Variants in CFAP54 observed in about 807,000 individuals in gnomAD.
CFAP54 encodes cilia- and flagella-associated protein 54.
A neutral mutation model predicts 370.4 loss-of-function variants in CFAP54; 290 were observed. That is an observed-to-expected ratio of 0.78 (90% CI 0.71 to 0.86). CFAP54 has a LOEUF of 0.86. Among genes scored for constraint, CFAP54 ranks in the 40% least tolerant of loss-of-function variants. CFAP54 has a pLI of 0.00. For missense variants in CFAP54, 3,399 were observed against 3,528.7 expected (o/e 0.96, Z 0.93); for synonymous variants, 1,206 against 1,236.5 (o/e 0.98, Z 0.52).
intron 6 of CFAP54, among the ~76,000 whole-genome samples, chr12:96,519,954 A>G (rs1273860391): frequency 6.6e-6 from 1 of 152,164 alleles, no homozygotes; most frequent in African/African-American, 2.4e-5. Context: ...TGTGTTCCTT[A>G]TCACTTAGTA....
intron 9 of CFAP54, among the ~76,000 whole-genome samples, chr12:96,530,106 C>G (rs1376374290): frequency 6.6e-6 from 1 of 152,150 alleles, no homozygotes; most frequent in Non-Finnish European, 1.5e-5. Flanking sequence ...GCTGCAGTAT[C>G]CCTTAGTCAT....
At chr12:96,596,640 G>A (rs1361094669) in intron 25 of CFAP54, among the ~76,000 whole-genome samples, 1 of 152,014 alleles carries the variant, frequency 6.6e-6, no homozygotes, top group Non-Finnish European at 1.5e-5. Context: ...GAGATGACGT[G>A]TGCAGTCCGG....
chr12:96,837,078 C>T (rs1959188479), intron 66 of CFAP54, among the ~76,000 whole-genome samples: 1 of 152,094 alleles, frequency 6.6e-6, no homozygotes, highest in South Asian at 2.1e-4. Context: ...CATCTTGTTC[C>T]CCCAAAGCAC....
intron 32 of CFAP54, among the ~76,000 whole-genome samples, chr12:96,631,750 A>T (rs1051110273): frequency 6.7e-6 from 1 of 149,826 alleles, no homozygotes; most frequent in African/African-American, 2.4e-5. Flanking sequence ...TGTATAATAA[A>T]TTTTTTAAAT....
chr12:96,863,653 G>A (rs949244383), intron 67 of CFAP54, among the ~76,000 whole-genome samples: 1 of 152,220 alleles, frequency 6.6e-6, no homozygotes, highest in Non-Finnish European at 1.5e-5. Flanking sequence ...CCTGGGGGCC[G>A]ATTTTAAAAA....
chr12:96,756,163 G>A (rs924294459), intron 56 of CFAP54, among the ~76,000 whole-genome samples: 1 of 152,174 alleles, frequency 6.6e-6, no homozygotes, highest in Non-Finnish European at 1.5e-5. Context: ...GGAGGGAGAA[G>A]CACAAAGTAA....
At chr12:96,759,157 A>G (rs1290148077) in intron 58 of CFAP54, among the ~76,000 whole-genome samples, 1 of 151,896 alleles carries the variant, frequency 6.6e-6, no homozygotes, top group Non-Finnish European at 1.5e-5. Context: ...ATTCTTACCA[A>G]TTATTCATAT....
At chr12:96,508,834 G>A (rs1474994855) in intron 4 of CFAP54, among the ~76,000 whole-genome samples, 1 of 151,854 alleles carries the variant, frequency 6.6e-6, no homozygotes, top group Non-Finnish European at 1.5e-5. Context: ...CAGGCCTGGC[G>A]ATGAGCACCT....
In CFAP54 at chr12:96,684,683, G is replaced by T; in HGVS notation, c.5752G>T (p.Val1918Phe). The stretch of plus-strand genomic sequence containing the variant: ...AGCCAGCAATCAAAGAAGTCTTAAA[G>T]TTCAGGCGTTGCATTCACTTGGAAG... ...LQASNQRSLK[V>F]QALHSLGSLL... is the part of the protein sequence containing the mutation. The change falls in exon 41 of 68, where the codon GTT (valine) becomes TTT (phenylalanine). Residue 1918 changes from valine to phenylalanine, a missense_variant. Transcript: ENST00000524981. The T allele has an allele frequency of 6.2e-7, 1 of 1,613,286 alleles. No homozygotes were observed. Among genetic ancestry groups the T allele is most frequent in the Non-Finnish European group, 8.5e-7 (1 of 1,179,754 alleles).
At chr12:96,542,472 T>C (rs1955587507) in intron 14 of CFAP54, among the ~76,000 whole-genome samples, 1 of 152,224 alleles carries the variant, frequency 6.6e-6, no homozygotes, top group Non-Finnish European at 1.5e-5. Flanking sequence ...TTTTAAAAAC[T>C]TTTGTTATGC....
chr12:96,860,828 G>A lies in CFAP54; in HGVS notation c.9181G>A (p.Asp3061Asn), dbSNP rs765157824. The A allele has an allele frequency of 6.5e-7, 1 of 1,530,660 alleles. No individual in the cohort carries two copies. The highest frequency in any genetic ancestry group is 1.2e-5 in the South Asian group (1 of 82,430). 94.8% of individuals were successfully genotyped at this position (1,530,660 alleles called of 1,614,324 possible). The change falls in exon 67 of 68, where the codon GAT becomes AAT. Residue 3061 changes from aspartate to asparagine, a missense_variant. Physicochemically the swap from Asp to Asn is conservative, Grantham distance 23. Around this residue, in one of 3 missense-constraint regions of CFAP54, gnomAD observed 2,796 missense variants for 2,869.7 expected, o/e 0.97. Coordinates refer to ENST00000524981, the MANE Select transcript of CFAP54 (RefSeq NM_001306084.2). ...TTATGTTTTTCCTCAGGTCCCATTT[G>A]ATATCTCACTGCCGTCTATATTCAA... ...EPTPLSEVPF[D>N]ISLPSIFNLE...
intron 32 of CFAP54, among the ~76,000 whole-genome samples, chr12:96,632,685 T>C (rs1956621733): frequency 6.6e-6 from 1 of 152,086 alleles, no homozygotes; most frequent in Non-Finnish European, 1.5e-5. Flanking sequence ...CTCCAGAATA[T>C]TCTTTTCCTT....
chr12:96,491,186 A>T (rs1016025818), intron 1 of CFAP54, among the ~76,000 whole-genome samples: 4 of 152,128 alleles, frequency 2.6e-5, no homozygotes, highest in Admixed American at 2.6e-4. Context: ...AGGGAAGGTC[A>T]GGAAAAGTTG....
At chr12:96,747,946 A>G (rs1958136078) in intron 55 of CFAP54, among the ~76,000 whole-genome samples, 1 of 151,880 alleles carries the variant, frequency 6.6e-6, no homozygotes, top group African/African-American at 2.4e-5. Context: ...TGTCAGTTTG[A>G]TCAATTTGTT....
intron 55 of CFAP54, among the ~76,000 whole-genome samples, chr12:96,751,721 C>A (rs1775810726): frequency 6.6e-6 from 1 of 152,030 alleles, no homozygotes; most frequent in African/African-American, 2.4e-5. Flanking sequence ...AGAGTGTGGG[C>A]TCTAAGAAGG....
intron 39 of CFAP54, among the ~76,000 whole-genome samples, chr12:96,673,738 C>G (rs906048862): frequency 6.6e-6 from 1 of 152,172 alleles, no homozygotes; most frequent in Admixed American, 6.5e-5. Flanking sequence ...CACACCAGAT[C>G]GCTGCTTTAG....
intron 50 of CFAP54, among the ~76,000 whole-genome samples, chr12:96,738,243 A>G (rs1046897797): frequency 1.3e-5 from 2 of 152,128 alleles, no homozygotes; most frequent in Non-Finnish European, 2.9e-5. Flanking sequence ...TGTGGGATGG[A>G]GGACACGGAT....
chr12:96,525,354 C>G (rs2136372814), intron 8 of CFAP54, among the ~76,000 whole-genome samples: 1 of 151,830 alleles, frequency 6.6e-6, no homozygotes, highest in East Asian at 1.9e-4. Context: ...GCTTTTCATA[C>G]TTGACAATCC....
At chr12:96,771,915 A>G (rs1247472005) in intron 60 of CFAP54, among the ~76,000 whole-genome samples, 1 of 152,206 alleles carries the variant, frequency 6.6e-6, no homozygotes, top group African/African-American at 2.4e-5. Flanking sequence ...ATCTGGACAA[A>G]TTCTGGTAAC....
Sources: allele counts gnomAD v4.1 joint callset (sites outside exome capture counted in the v4.1 genomes callset), GRCh38; gene constraint gnomAD v4.1.1; regional missense constraint gnomAD v4.1.1; transcripts MANE v1.5; gene names NCBI Gene and HGNC (gene_info 2026-07-23, HGNC 2026-07-21).